Variants in PRDM16 observed in about 807,000 individuals in gnomAD.
The protein encoded by PRDM16 is histone-lysine N-methyltransferase PRDM16.
Under a neutral mutation model 110.6 loss-of-function variants are expected in PRDM16, and 23 were observed. The observed-to-expected ratio is 0.21, with a 90% CI of 0.15 to 0.29. The LOEUF is 0.29. PRDM16 is among the 10% of genes least tolerant of loss of function. The pLI, the probability that PRDM16 is intolerant of heterozygous loss-of-function variation, is 1.00. For missense variants in PRDM16, 1,615 were observed against 1,794.3 expected (o/e 0.90, Z 1.81); for synonymous variants, 799 against 781.8 (o/e 1.02, Z -0.37).
chr1:3,162,228 C>A (rs1429757342), intron 1 of PRDM16, among the ~76,000 whole-genome samples: 1 of 152,226 alleles, frequency 6.6e-6, no homozygotes, highest in Non-Finnish European at 1.5e-5. Flanking sequence ...CGTCACCCCC[C>A]AGGAAAACCC....
chr1:3,341,610 A>G (rs573534577), intron 3 of PRDM16, among the ~76,000 whole-genome samples: 5 of 152,354 alleles, frequency 3.3e-5, no homozygotes, highest in Non-Finnish European at 5.9e-5. Context: ...CGATCGCTCA[A>G]CTTAGGAATG....
chr1:3,139,076 G>A (rs1251422265), intron 1 of PRDM16, among the ~76,000 whole-genome samples: 2 of 152,152 alleles, frequency 1.3e-5, no homozygotes, highest in Non-Finnish European at 2.9e-5. Context: ...GTCTGCAGGG[G>A]TCCAGTTTGT....
intron 1 of PRDM16, among the ~76,000 whole-genome samples, chr1:3,141,968 A>G (rs1643558552): frequency 6.6e-6 from 1 of 152,262 alleles, no homozygotes; most frequent in Admixed American, 6.5e-5. Context: ...GAGAACACTC[A>G]TGGTGCACCG....
At position 3,171,301 on chromosome 1, in the gene PRDM16, C is replaced by T. The variant is rs1030130567; in HGVS notation, c.38-14824C>T. On this transcript the variant is annotated intron_variant, in intron 1 of 16. Coordinates refer to ENST00000270722, the MANE Select transcript of PRDM16 (RefSeq NM_022114.4). The stretch of plus-strand genomic sequence containing the variant: ...TTGCTCAGCATTTAACCCCTTGTTC[C>T]TCCTCCTCGCTGTCCGGGCAGAGCC... 2.6e-5 allele frequency among the ~76,000 whole-genome samples: 4 copies of T among 152,246 alleles called. No homozygotes were observed. The East Asian group carries it at 5.8e-4, about 22-fold the overall frequency.
intron 2 of PRDM16, among the ~76,000 whole-genome samples, chr1:3,231,497 G>C (rs1287177544): frequency 2.8e-5 from 3 of 108,128 alleles, no homozygotes; most frequent in East Asian, 6.6e-4. Flanking sequence ...AGGCTGCTCA[G>C]CCCAGGGGAT....
At position 3,315,712 on chromosome 1, in the gene PRDM16, G is replaced by A. The variant is rs573021902; in HGVS notation, c.439-69440G>A. Among the ~76,000 whole-genome samples, 7 of 152,080 alleles carry A rather than the reference G, an allele frequency of 4.6e-5. No individual in the cohort carries two copies. The East Asian group carries it at 5.8e-4, about 13-fold the overall frequency. Reference sequence around the variant, plus strand: ...AGAAACCCCTCCATGAAGGAAAGCCGATCTACCCAGGCTGGTTTCAAAGAG... The same window carrying A: ...AGAAACCCCTCCATGAAGGAAAGCCAATCTACCCAGGCTGGTTTCAAAGAG... On this transcript the variant is annotated intron_variant, in intron 3 of 16. Coordinates refer to ENST00000270722, the MANE Select transcript of PRDM16 (RefSeq NM_022114.4).
intron 2 of PRDM16, among the ~76,000 whole-genome samples, chr1:3,211,650 G>A (rs1293930181): frequency 6.6e-6 from 1 of 152,222 alleles, no homozygotes; most frequent in Non-Finnish European, 1.5e-5. Flanking sequence ...AGCAGTGGGG[G>A]CCGGCGCTGG....
intron 3 of PRDM16, among the ~76,000 whole-genome samples, chr1:3,256,324 G>T (rs1297631124): frequency 6.6e-6 from 1 of 152,208 alleles, no homozygotes; most frequent in Non-Finnish European, 1.5e-5. Flanking sequence ...AGGGCTCTGT[G>T]TGGCACTCCC....
At chr1:3,295,272 C>T (rs1018297006) in intron 3 of PRDM16, among the ~76,000 whole-genome samples, 1 of 152,168 alleles carries the variant, frequency 6.6e-6, no homozygotes, top group African/African-American at 2.4e-5. Flanking sequence ...AGGGTGAGCC[C>T]CTCCTGGCCT....
intron 1 of PRDM16, among the ~76,000 whole-genome samples, chr1:3,087,030 C>T (rs1426506878): frequency 6.6e-6 from 1 of 152,198 alleles, no homozygotes; most frequent in Non-Finnish European, 1.5e-5. Flanking sequence ...GTTCTCAGGC[C>T]AACAGCGACA....
intron 3 of PRDM16, among the ~76,000 whole-genome samples, chr1:3,346,509 C>T (rs1016787395): frequency 1.6e-4 from 24 of 152,194 alleles, no homozygotes; most frequent in African/African-American, 2.4e-5. Context: ...CCGCGGCATA[C>T]GTGGCCCTCC....
chr1:3,203,799 G>A (rs968147981), intron 2 of PRDM16, among the ~76,000 whole-genome samples: 3 of 152,190 alleles, frequency 2.0e-5, no homozygotes, highest in Non-Finnish European at 4.4e-5. Context: ...AACTCAGGCC[G>A]CGTTCTCAGG....
intron 2 of PRDM16, among the ~76,000 whole-genome samples, chr1:3,210,342 T>G (rs1046610793): frequency 1.3e-5 from 2 of 152,168 alleles, no homozygotes; most frequent in Non-Finnish European, 2.9e-5. Context: ...CTCCCTGGGA[T>G]CCATGGGGAA....
intron 1 of PRDM16, among the ~76,000 whole-genome samples, chr1:3,070,960 G>A (rs1030877331): frequency 6.6e-6 from 1 of 152,242 alleles, no homozygotes; most frequent in African/African-American, 2.4e-5. Context: ...ACAAGACCGG[G>A]CGTTTCGCCG....
chr1:3,094,277 C>CACAG lies in PRDM16; in HGVS notation c.37+24982_37+24985dup, dbSNP rs551901178. Reference sequence around the variant, plus strand: ...GCACCCGCCATCCCCACCCTGCCTCCACAGCTCCCAGGTGGCTCCTAAGCA... The same window carrying CACAG: ...GCACCCGCCATCCCCACCCTGCCTCCACAGACAGCTCCCAGGTGGCTCCTAAGCA... On this transcript the variant is annotated intron_variant, in intron 1 of 16. Transcript: ENST00000270722. Among the ~76,000 whole-genome samples the CACAG allele has an allele frequency of 3.4e-3, 523 of 152,364 alleles. 2 individuals carry two copies. The highest frequency in any genetic ancestry group is 0.012 in the African/African-American group (502 of 41,592).
intron 1 of PRDM16, among the ~76,000 whole-genome samples, chr1:3,110,917 T>A (rs7537999): frequency 3.3e-5 from 5 of 151,296 alleles, no homozygotes; most frequent in Non-Finnish European, 5.9e-5. Flanking sequence ...CGGGGTGGGG[T>A]GGGGGATGGG....
chr1:3,184,928 G>A (rs2100795192), intron 1 of PRDM16, among the ~76,000 whole-genome samples: 1 of 152,170 alleles, frequency 6.6e-6, no homozygotes, highest in South Asian at 2.1e-4. Flanking sequence ...CTCTGCATCG[G>A]CTTCCTACGC....
At chr1:3,257,517 CAT>C (rs1640077555) in intron 3 of PRDM16, among the ~76,000 whole-genome samples, 1 of 152,214 alleles carries the variant, frequency 6.6e-6, no homozygotes, top group Admixed American at 6.5e-5. Context: ...ATAAAAGTCA[CAT>C]GTTTATTTAG....
At chr1:3,346,500 C>T (rs974979231) in intron 3 of PRDM16, among the ~76,000 whole-genome samples, 3 of 152,148 alleles carry the variant, frequency 2.0e-5, no homozygotes, top group Admixed American at 1.3e-4. Context: ...CTGGAGCACC[C>T]GCGGCATACG....
Sources: allele counts gnomAD v4.1 joint callset (sites outside exome capture counted in the v4.1 genomes callset), GRCh38; gene constraint gnomAD v4.1.1; transcripts MANE v1.5; gene names NCBI Gene and HGNC (gene_info 2026-07-23, HGNC 2026-07-21).